Variants in COIL observed in about 807,000 individuals in gnomAD.
The protein encoded by COIL is coilin p80.
In COIL, 28 loss-of-function variants were observed where a neutral mutation model predicts 51.6. That is an observed-to-expected ratio of 0.54 (90% confidence interval 0.40 to 0.74). The LOEUF is 0.74. COIL is among the 30% of genes least tolerant of loss of function. COIL has a pLI of 0.00. For missense variants in COIL, 667 were observed against 685.9 expected (o/e 0.97, Z 0.31); for synonymous variants, 233 against 255.8 (o/e 0.91, Z 0.85).
intron 1 of COIL, chr17:56,951,854 C>T (rs890739121): frequency 6.6e-6 from 1 of 151,352 alleles, no homozygotes; most frequent in Non-Finnish European, 1.5e-5. Context: ...GGCCAAAGTG[C>T]ACTGGTGCAT....
intron 3 of COIL, 40 bp from the exon 4 acceptor site, chr17:56,949,474 T>G: frequency 6.3e-7 from 1 of 1,588,842 alleles, no homozygotes; most frequent in Non-Finnish European, 8.6e-7. Context: ...ATAAGCCCTC[T>G]TATCCTCTCC....
chr17:56,945,873 G>A (rs374462064), intron 5 of COIL, among the ~76,000 whole-genome samples: 10 of 152,088 alleles, frequency 6.6e-5, no homozygotes, highest in Admixed American at 2.0e-4. Context: ...GTGCCATGAC[G>A]CCCGGCTAAT....
chr17:56,959,717 C>T (rs141514241), intron 1 of COIL, among the ~76,000 whole-genome samples: 185 of 152,366 alleles, frequency 1.2e-3, no homozygotes, highest in African/African-American at 4.3e-3. Context: ...GCTTCCTGCA[C>T]CTGACCCTGA....
chr17:56,943,845 T>C (rs1910193076), intron 5 of COIL, among the ~76,000 whole-genome samples: 1 of 152,202 alleles, frequency 6.6e-6, no homozygotes, highest in African/African-American at 2.4e-5. Flanking sequence ...ACATTGCTAT[T>C]AGAGAACAGA....
At position 56,950,572 on chromosome 17, in the gene COIL, T is replaced by C. The variant is rs1268930102; in HGVS notation, c.670A>G (p.Arg224Gly). The C allele has an allele frequency of 2.5e-6, 4 of 1,614,248 alleles. No homozygotes were observed. Among genetic ancestry groups the C allele is most frequent in the Non-Finnish European group, 3.4e-6 (4 of 1,180,042 alleles). The change falls in exon 2 of 7, where the codon AGA becomes GGA. Residue 224 changes from arginine (R) to glycine (G), a missense_variant. Physicochemically the swap from Arg to Gly is moderately radical, Grantham distance 125. Coordinates refer to ENST00000240316, the MANE Select transcript of COIL (RefSeq NM_004645.3). ...QRCSSPKGSA[R>G]NSLVKAKRKG... The stretch of plus-strand genomic sequence containing the variant: ...CTTTTGGCTTTAACAAGGCTGTTTC[T>C]AGCAGAACCTTTTGGAGAACTACAT...
At chr17:56,960,666 CA>C in intron 1 of COIL, 108 bp downstream of exon 1, 1 of 462,440 alleles carries the variant, frequency 2.2e-6, no homozygotes, top group South Asian at 3.7e-5. Context: ...TCCCCTTCCC[CA>C]TCCCCCATCC....
intron 1 of COIL, among the ~76,000 whole-genome samples, chr17:56,959,250 G>A (rs1290141867): frequency 6.6e-6 from 1 of 152,064 alleles, no homozygotes; most frequent in Non-Finnish European, 1.5e-5. Flanking sequence ...AGGCTGAGGT[G>A]GGAGGATTGC....
rs146609598 is a variant in COIL at position 56,946,496 on chromosome 17, T to C, written c.1504A>G (p.Ser502Gly). Reference sequence around the variant, plus strand: ...ACTTGCTGGGTCTCTGGATTGTGGCTTAATATTCTTCCTTCCTTTCAAAAA... The same window carrying C: ...ACTTGCTGGGTCTCTGGATTGTGGCCTAATATTCTTCCTTCCTTTCAAAAA... Reference protein sequence around the residue: ...VSDYKEGRILSHNPETQQVDI... With the variant: ...VSDYKEGRILGHNPETQQVDI... The change falls in exon 5 of 7, where the codon AGC becomes GGC. Residue 502 changes from serine to glycine, a missense_variant. Physicochemically the swap from Ser to Gly is moderately conservative, Grantham distance 56. Transcript: ENST00000240316. 8.3e-5 allele frequency: 133 copies of C among 1,610,350 alleles called. 1 individual carries two copies. In the African/African-American group the frequency reaches 1.6e-3, roughly 20 times the overall value.
intron 5 of COIL, among the ~76,000 whole-genome samples, chr17:56,946,230 A>T (rs1910247239): frequency 6.6e-6 from 1 of 152,322 alleles, no homozygotes; most frequent in Admixed American, 6.5e-5. Context: ...TCTTTTATGA[A>T]ATTATATAAT....
rs774715867 is a variant in COIL at position 56,961,023 on chromosome 17, G to A, written c.-4C>T. The A allele has an allele frequency of 6.2e-7, 1 of 1,613,116 alleles. No homozygotes were observed. ...TAACCGTCTCGGAAGCTGCCATCTT[G>A]CTTGGTGCTCAACGGAAGCCGAGAG... On this transcript the variant is annotated 5_prime_UTR_variant, in exon 1 of 7. Transcript: ENST00000240316.
In COIL at chr17:56,950,823, T is replaced by C. The variant is rs199610265; in HGVS notation, c.419A>G (p.Asn140Ser). Reference protein sequence around the residue: ...KKHWKSRENNNNNEKVLDLEP... With the variant: ...KKHWKSRENNSNNEKVLDLEP... ...CAGATCCAAGACCTTCTCATTATTG[T>C]TATTGTTCTCTCGACTCTTCCAATG... is the stretch of plus-strand genomic sequence containing the variant. The change falls in exon 2 of 7, where the codon AAC (asparagine) becomes AGC (serine). Residue 140 changes from asparagine (N) to serine (S), a missense_variant. Coordinates refer to ENST00000240316, the MANE Select transcript of COIL (RefSeq NM_004645.3). The C allele has an allele frequency of 3.1e-4, 506 of 1,614,128 alleles. No individual in the cohort carries two copies. The highest frequency in any genetic ancestry group is 4.1e-4 in the Non-Finnish European group (478 of 1,180,042).
chr17:56,954,110 AT>A (rs772616703), intron 1 of COIL, among the ~76,000 whole-genome samples: 37 of 152,298 alleles, frequency 2.4e-4, no homozygotes, highest in Non-Finnish European at 4.1e-4. Context: ...AATGTTGAAA[AT>A]GGTTGCAAGT....
chr17:56,943,626 C>T (rs1053937283), intron 5 of COIL, among the ~76,000 whole-genome samples: 2 of 152,144 alleles, frequency 1.3e-5, no homozygotes, highest in Non-Finnish European at 2.9e-5. Context: ...CAGTCACTGA[C>T]GGACTCTGAA....
At chr17:56,943,072 C>T (rs555990717) in intron 5 of COIL, among the ~76,000 whole-genome samples, 3 of 152,112 alleles carry the variant, frequency 2.0e-5, no homozygotes, top group Admixed American at 6.5e-5. Context: ...TCCTTCTACA[C>T]GTTTTATTTC....
At chr17:56,945,045 A>T (rs1910220597) in intron 5 of COIL, among the ~76,000 whole-genome samples, 1 of 151,430 alleles carries the variant, frequency 6.6e-6, no homozygotes, top group Non-Finnish European at 1.5e-5. Flanking sequence ...ACAAACAAAC[A>T]AACAGAAAAC....
intron 4 of COIL, among the ~76,000 whole-genome samples, chr17:56,948,041 T>C (rs1466958168): frequency 6.6e-6 from 1 of 151,404 alleles, no homozygotes; most frequent in Non-Finnish European, 1.5e-5. Context: ...AGTAAGTGCC[T>C]AAGAAGATAA....
rs191880365 is a variant in COIL at position 56,939,056 on chromosome 17, G to A, written c.*15C>T. ...AAACAAGACATTCATAAACTATAAG[G>A]TGGAGAGGTCATACTCAGGCAGGTT... is the stretch of plus-strand genomic sequence containing the variant. On this transcript the variant is annotated 3_prime_UTR_variant, in exon 7 of 7. Coordinates refer to ENST00000240316, the MANE Select transcript of COIL (RefSeq NM_004645.3). The A allele has an allele frequency of 2.2e-5, 32 of 1,423,284 alleles. No individual in the cohort carries two copies. The East Asian group carries it at 4.6e-4, about 20-fold the overall frequency. The allele number at this position is 1,423,284 out of a possible 1,614,324, so 88.2% of individuals were successfully genotyped here.
chr17:56,944,512 A>G (rs1014161623), intron 5 of COIL, among the ~76,000 whole-genome samples: 12 of 151,756 alleles, frequency 7.9e-5, no homozygotes, highest in African/African-American at 2.9e-4. Context: ...GAATGGCGTG[A>G]ACCCGGGAGG....
At chr17:56,939,610 C>G (rs1168286750) in intron 6 of COIL, among the ~76,000 whole-genome samples, 1 of 152,070 alleles carries the variant, frequency 6.6e-6, no homozygotes, top group Non-Finnish European at 1.5e-5. Context: ...CATGGTGACG[C>G]ATGCCTGTAG....
Sources: gnomAD v4.1 joint callset for allele counts (sites outside exome capture counted in the v4.1 genomes callset) on GRCh38, gnomAD v4.1.1 for gene constraint, MANE v1.5 for transcripts, NCBI Gene and HGNC (gene_info 2026-07-23, HGNC 2026-07-21) for gene names.